NAV2: variants seen among roughly 807,000 people sequenced by gnomAD.
NAV2 encodes helicase, APC down-regulated 1.
NAV2 carries 54 observed loss-of-function variants against 223.2 expected under a neutral mutation model. That is an observed-to-expected ratio of 0.24 (90% CI 0.19 to 0.30). The LOEUF is 0.30. Ranked by LOEUF, NAV2 falls within the 10% of genes least tolerant of loss-of-function variation. NAV2 has a pLI of 1.00. For missense variants in NAV2, 2,806 were observed against 3,147.5 expected, an observed-to-expected ratio of 0.89 and a Z score of 2.60; for synonymous variants, 1,279 against 1,239.3, an observed-to-expected ratio of 1.03 and a Z score of -0.67.
chr11:19,958,950 CA>C (rs939625349), intron 10 of NAV2, among the ~76,000 whole-genome samples: 1 of 152,182 alleles, frequency 6.6e-6, no homozygotes, highest in Non-Finnish European at 1.5e-5. Context: ...GCCAGGGGAA[CA>C]GATGCACAAT....
At chr11:20,005,493 G>C (rs1201323331) in intron 11 of NAV2, among the ~76,000 whole-genome samples, 1 of 150,818 alleles carries the variant, frequency 6.6e-6, no homozygotes, top group Non-Finnish European at 1.5e-5. Flanking sequence ...TGATCCATCT[G>C]CCTCAGCCTC....
intron 1 of NAV2, among the ~76,000 whole-genome samples, chr11:19,829,742 C>A (rs1056158290): frequency 3.9e-5 from 6 of 152,320 alleles, no homozygotes; most frequent in Non-Finnish European, 5.9e-5. Flanking sequence ...GCCTTCACTT[C>A]CTGAGCCCCA....
At chr11:19,960,081 G>A (rs10734287) in intron 10 of NAV2, among the ~76,000 whole-genome samples, 113,750 of 152,018 alleles carry the variant, frequency 0.75, 42,857 homozygotes, top group Middle Eastern at 0.85. Flanking sequence ...CAAGTATTTA[G>A]TAAGTTCTAG....
At chr11:19,532,624 A>G (rs1343811779) in intron 1 of NAV2, among the ~76,000 whole-genome samples, 1 of 152,196 alleles carries the variant, frequency 6.6e-6, no homozygotes, top group Non-Finnish European at 1.5e-5. Flanking sequence ...GAGGCCAAAA[A>G]GGGAGCAGGC....
At chr11:19,563,026 A>G (rs1488464786) in intron 1 of NAV2, among the ~76,000 whole-genome samples, 5 of 152,208 alleles carry the variant, frequency 3.3e-5, no homozygotes, top group Non-Finnish European at 7.4e-5. Context: ...CAGAGACCCA[A>G]TTAACATCTG....
At chr11:19,378,553 G>A (rs747977900) in intron 1 of NAV2, among the ~76,000 whole-genome samples, 3 of 151,462 alleles carry the variant, frequency 2.0e-5, no homozygotes, top group Admixed American at 6.6e-5. Context: ...TGGTGATAGG[G>A]CCGGTCGTGA....
intron 6 of NAV2, among the ~76,000 whole-genome samples, chr11:19,904,433 A>G (rs2042698014): frequency 1.3e-5 from 2 of 152,174 alleles, no homozygotes; most frequent in African/African-American, 4.8e-5. Flanking sequence ...GGGTACTATG[A>G]ATGAACTTAA....
Position 19,396,624 on chromosome 11 carries a change from C to T in NAV2, c.75+45597C>T, listed in dbSNP as rs758344356. ...ACTGGGTGGGGAGGTCTCAACAGTA[C>T]GCTGGTTCTCGGGCCCTGCTCTCTG... On this transcript the variant is annotated intron_variant, in intron 1 of 37. Transcript: ENST00000360655. Among the ~76,000 whole-genome samples, 21 of 152,124 alleles carry T rather than the reference C, an allele frequency of 1.4e-4. 1 individual carries two copies. The highest frequency in any genetic ancestry group is 2.8e-4 in the Non-Finnish European group (19 of 68,024).
Position 20,045,110 on chromosome 11 carries a change from T to A in NAV2, c.3342T>A (p.Thr1114=). ...KPLPSSSRTP[T]ANANSFGFKK... The stretch of plus-strand genomic sequence containing the variant: ...TCCCCAGCAGCTCTAGGACACCTAC[T>A]GCCAATGCCAACAGCTTTGGGTTCA... The change falls in exon 14 of 38, where the codon ACT becomes ACA. Residue 1114 remains threonine, a synonymous_variant. Coordinates refer to ENST00000349880, the MANE Select transcript of NAV2 (RefSeq NM_145117.5). 1 of 1,614,172 alleles carries A rather than the reference T, an allele frequency of 6.2e-7. No homozygotes were observed. Among genetic ancestry groups the A allele is most frequent in the South Asian group, 1.1e-5 (1 of 91,080 alleles).
intron 7 of NAV2, among the ~76,000 whole-genome samples, chr11:19,935,578 C>G (rs561829744): frequency 7.2e-5 from 11 of 152,268 alleles, no homozygotes; most frequent in African/African-American, 2.6e-4. Context: ...TGTTACAGTT[C>G]CTGCCAATAG....
chr11:20,020,837 C>T (rs528619932), intron 11 of NAV2, among the ~76,000 whole-genome samples: 283 of 152,312 alleles, frequency 1.9e-3, no homozygotes, highest in Non-Finnish European at 1.1e-3. Flanking sequence ...TCTCCTCTCT[C>T]GCTGTACCCT....
At chr11:19,384,657 A>C (rs1291033547) in intron 1 of NAV2, 1 of 152,264 alleles carries the variant, frequency 6.6e-6, no homozygotes, top group Non-Finnish European at 1.5e-5. Flanking sequence ...GGATAGGACC[A>C]TGTATCCTGT....
At chr11:20,024,381 T>C (rs895822702) in intron 11 of NAV2, among the ~76,000 whole-genome samples, 2 of 152,064 alleles carry the variant, frequency 1.3e-5, no homozygotes, top group African/African-American at 2.4e-5. Flanking sequence ...CAAGTGAAGG[T>C]CAAATCAGGA....
chr11:19,385,830 C>T (rs1005691250), intron 1 of NAV2, among the ~76,000 whole-genome samples: 1 of 141,336 alleles, frequency 7.1e-6, no homozygotes, highest in East Asian at 2.3e-4. Context: ...GGCACGATCT[C>T]GGCTCACTGC....
chr11:19,754,987 C>T (rs2054122288), intron 1 of NAV2, among the ~76,000 whole-genome samples: 2 of 152,144 alleles, frequency 1.3e-5, no homozygotes, highest in South Asian at 4.1e-4. Context: ...CAACTCTTGC[C>T]ACCGTCACCC....
rs186112560 is a variant in NAV2, at chr11:19,801,658, T to G, written c.268-30826T>G. ...CTACTTTCGGAGGATGTGGCTGAGC[T>G]GGAATCTGCCCCCATCTTCTGGAGG... On this transcript the variant is annotated intron_variant, in intron 1 of 37. Coordinates refer to ENST00000349880, the MANE Select transcript of NAV2 (RefSeq NM_145117.5). 3.4e-3 allele frequency among the ~76,000 whole-genome samples: 525 copies of G among 152,296 alleles called. 7 individuals carry two copies. Among genetic ancestry groups the G allele is most frequent in the African/African-American group, 0.012 (507 of 41,558 alleles).
chr11:19,550,350 T>C (rs143977391), intron 1 of NAV2, among the ~76,000 whole-genome samples: 69 of 152,324 alleles, frequency 4.5e-4, no homozygotes, highest in African/African-American at 1.5e-3. Context: ...GAATGCACGT[T>C]TATTAAGCAC....
upstream of NAV2, among the ~76,000 whole-genome samples, chr11:19,347,322 G>T (rs139042850): frequency 2.8e-3 from 425 of 152,322 alleles, 4 homozygotes; most frequent in African/African-American, 9.7e-3. Flanking sequence ...GGGTCCCTCT[G>T]AAGGATGCCT....
intron 1 of NAV2, among the ~76,000 whole-genome samples, chr11:19,484,218 C>T (rs540645539): frequency 6.6e-6 from 1 of 152,100 alleles, no homozygotes; most frequent in African/African-American, 2.4e-5. Context: ...TAAAGCCTGG[C>T]TCTTTCTTCT....
Sources: allele counts gnomAD v4.1 joint callset (sites outside exome capture counted in the v4.1 genomes callset), GRCh38; gene constraint gnomAD v4.1.1; transcripts MANE v1.5; gene names NCBI Gene and HGNC (gene_info 2026-07-23, HGNC 2026-07-21).